The following AR variants were observed in gnomAD, a reference collection of about 807,000 sequenced individuals.
AR encodes androgen receptor.
AR carries 8 observed loss-of-function variants against 53.9 expected under a neutral mutation model. The ratio of observed to expected loss-of-function variants is 0.15; its 90% CI spans 0.09 to 0.27. The LOEUF is 0.27. Ranked by LOEUF, AR falls within the 10% of genes least tolerant of loss-of-function variation. The pLI, the probability that AR is intolerant of heterozygous loss-of-function variation, is 1.00. For missense variants in AR, 639 were observed against 742.5 expected (o/e 0.86, Z 1.62); for synonymous variants, 359 against 316.4 (o/e 1.13, Z -1.43).
chrX:67,664,130 A>G (rs1457521742), intron 2 of AR, among the ~76,000 whole-genome samples: 6 of 112,168 alleles, frequency 5.3e-5, no homozygotes, highest in Non-Finnish European at 1.1e-4. Flanking sequence ...CGTCAAAGTC[A>G]TTCTCCATCC....
intron 1 of AR, among the ~76,000 whole-genome samples, chrX:67,615,979 A>G (rs1442828074): frequency 9.0e-6 from 1 of 111,423 alleles, no homozygotes; most frequent in African/African-American, 3.3e-5. Flanking sequence ...TAGACAAATT[A>G]TCTACAACAA....
chrX:67,623,303 C>T (rs747784930), intron 1 of AR, among the ~76,000 whole-genome samples: 7 of 111,335 alleles, frequency 6.3e-5, no homozygotes, highest in Non-Finnish European at 1.3e-4. Flanking sequence ...TCAAGAAAAA[C>T]TTCGGTAAGC....
At chrX:67,646,334 A>C (rs1402074100) in intron 2 of AR, among the ~76,000 whole-genome samples, 1 of 110,689 alleles carries the variant, frequency 9.0e-6, no homozygotes, top group East Asian at 2.9e-4. Flanking sequence ...AATTGGGGTG[A>C]GGGTGAGGCT....
intron 1 of AR, among the ~76,000 whole-genome samples, chrX:67,582,281 G>A (rs776042243): frequency 3.5e-4 from 39 of 111,731 alleles, no homozygotes; most frequent in Non-Finnish European, 5.5e-4. Flanking sequence ...TCTCATCTTT[G>A]TCTTTGCCCC....
At chrX:67,687,809 A>T (rs1455970823) in intron 3 of AR, among the ~76,000 whole-genome samples, 1 of 112,166 alleles carries the variant, frequency 8.9e-6, no homozygotes, top group Non-Finnish European at 1.9e-5. Flanking sequence ...GTCCACTTTG[A>T]TGCAGGTAAA....
intron 5 of AR, among the ~76,000 whole-genome samples, chrX:67,718,348 C>T (rs1417285990): frequency 9.0e-6 from 1 of 111,485 alleles, no homozygotes; most frequent in Non-Finnish European, 1.9e-5. Context: ...CCTGCCCTGC[C>T]ACCAGCTCCA....
intron 1 of AR, among the ~76,000 whole-genome samples, chrX:67,573,523 A>G (rs1286443552): frequency 9.0e-6 from 1 of 111,589 alleles, no homozygotes; most frequent in Non-Finnish European, 1.9e-5. Flanking sequence ...CTGACTTCTG[A>G]AAGTCCCCCC....
intron 1 of AR, among the ~76,000 whole-genome samples, chrX:67,624,081 C>CTTT (rs1215725515): frequency 9.0e-6 from 1 of 110,860 alleles, no homozygotes; most frequent in Admixed American, 9.6e-5. Flanking sequence ...CACTTTTAAA[C>CTTT]CATCAGCTCT....
intron 4 of AR, among the ~76,000 whole-genome samples, chrX:67,715,925 AT>A (rs1385403180): frequency 5.4e-5 from 6 of 111,949 alleles, no homozygotes; most frequent in African/African-American, 2.0e-4. Context: ...TGATGCCTTT[AT>A]AACTTTAAGC....
At chrX:67,588,758 T>C (rs1341113625) in intron 1 of AR, among the ~76,000 whole-genome samples, 1 of 112,357 alleles carries the variant, frequency 8.9e-6, no homozygotes, top group Non-Finnish European at 1.9e-5. Context: ...TCTGTGTTTC[T>C]TTCCCCATTG....
At chrX:67,719,159 C>A (rs1401857581) in intron 5 of AR, among the ~76,000 whole-genome samples, 2 of 111,937 alleles carry the variant, frequency 1.8e-5, no homozygotes, top group Non-Finnish European at 3.8e-5. Context: ...ACCCTGCCAG[C>A]CTGGTAGCCA....
chrX:67,702,038 G>A (rs1043815326), intron 3 of AR, among the ~76,000 whole-genome samples: 1 of 111,524 alleles, frequency 9.0e-6, no homozygotes, highest in African/African-American at 3.3e-5. Flanking sequence ...TCCTTGGGGA[G>A]GCAGTAGAGA....
intron 2 of AR, among the ~76,000 whole-genome samples, chrX:67,684,718 G>A (rs2075956164): frequency 8.9e-6 from 1 of 112,067 alleles, no homozygotes; most frequent in Non-Finnish European, 1.9e-5. Flanking sequence ...AGCACTTTAA[G>A]TAAAAGAAGT....
chrX:67,721,642 C>CAG (rs1172562507), intron 5 of AR, among the ~76,000 whole-genome samples, 191 bp from the exon 6 acceptor site: 1 of 111,138 alleles, frequency 9.0e-6, no homozygotes, highest in Non-Finnish European at 1.9e-5. Context: ...TTTTGGAAAA[C>CAG]AGAGAGAGAA....
Position 67,631,277 on chromosome X carries a change from C to G in AR, c.1617-11979C>G, listed in dbSNP as rs745357936. Among the ~76,000 whole-genome samples the G allele has an allele frequency of 1.7e-4, 19 of 111,768 alleles. No homozygotes were observed. In the South Asian group the frequency reaches 6.4e-3, roughly 38 times the overall value. On this transcript the variant is annotated intron_variant, in intron 1 of 7. Transcript: ENST00000374690. Reference sequence around the variant, plus strand: ...TTCTCCCCGTCACTTTCAGGTACACCAATCAGACATAGATTTGGTCTTTTC... The same window carrying G: ...TTCTCCCCGTCACTTTCAGGTACACGAATCAGACATAGATTTGGTCTTTTC...
At chrX:67,722,022 A>C (rs2076138267) in intron 6 of AR, 59 bp downstream of exon 6, 1 of 1,181,354 alleles carries the variant, frequency 8.5e-7, no homozygotes, top group Non-Finnish European at 1.1e-6. Flanking sequence ...AGAGAGGACC[A>C]CTTTTGCCAT....
chrX:67,684,273 T>C (rs1417603886), intron 2 of AR, among the ~76,000 whole-genome samples: 3 of 112,011 alleles, frequency 2.7e-5, no homozygotes, highest in Non-Finnish European at 5.6e-5. Context: ...GCACATATGG[T>C]AGTCCTCAGT....
chrX:67,598,352 G>A (rs781714749), intron 1 of AR, among the ~76,000 whole-genome samples: 2 of 105,480 alleles, frequency 1.9e-5, no homozygotes, highest in Non-Finnish European at 3.9e-5. Flanking sequence ...GCACGATCTC[G>A]GCTCACTGCA....
intron 3 of AR, among the ~76,000 whole-genome samples, chrX:67,710,408 A>T (rs2076089086): frequency 9.0e-6 from 1 of 111,304 alleles, no homozygotes; most frequent in South Asian, 3.9e-4. Flanking sequence ...GCAGCCTGGA[A>T]CCCCTGGGCT....
Sources: allele counts gnomAD v4.1 joint callset (sites outside exome capture counted in the v4.1 genomes callset), GRCh38; gene constraint gnomAD v4.1.1; transcripts MANE v1.5; gene names NCBI Gene and HGNC (gene_info 2026-07-23, HGNC 2026-07-21).